Variants in MEF2C observed in about 807,000 individuals in gnomAD.
MEF2C encodes the protein myocyte-specific enhancer factor 2C.
In MEF2C, 6 loss-of-function variants were observed where a neutral mutation model predicts 50.5. The observed-to-expected ratio is 0.12, with a 90% CI of 0.07 to 0.23. The LOEUF (loss-of-function observed/expected upper bound fraction) is 0.23, where lower values mean the gene tolerates loss of function less well. MEF2C is among the 10% of genes least tolerant of loss of function. MEF2C has a pLI of 1.00. For missense variants in MEF2C, 276 were observed against 605.0 expected (o/e 0.46, Z 5.70); for synonymous variants, 183 against 228.0 (o/e 0.80, Z 1.78).
Position 88,722,722 on chromosome 5 carries a change from T to TCGCTCC in MEF2C, c.1298_1303dup (p.Gly433_Ser434dup), listed in dbSNP as rs1272732104. The TCGCTCC allele has an allele frequency of 6.2e-7, 1 of 1,613,796 alleles. No individual in the cohort carries two copies. The highest frequency in any genetic ancestry group is 8.5e-7 in the Non-Finnish European group (1 of 1,179,890). On this transcript the variant is annotated inframe_insertion, in exon 11 of 11. Transcript: ENST00000504921. ...GAATTCGTTCCGGTGATCCTCTCGG[T>TCGCTCC]CGCTCCCGTCGTACGAACTGCTACA...
At chr5:88,818,976 T>A (rs1217254124) in intron 2 of MEF2C, among the ~76,000 whole-genome samples, 1 of 151,960 alleles carries the variant, frequency 6.6e-6, no homozygotes, top group Non-Finnish European at 1.5e-5. Flanking sequence ...GGTGGGTGCT[T>A]TACATTTATT....
chr5:88,722,790 C>T lies in MEF2C; in HGVS notation c.1236G>A (p.Thr412=), dbSNP rs2152044536. The change falls in exon 11 of 11, where the codon ACG becomes ACA. Residue 412 remains threonine (T), a synonymous_variant. Coordinates refer to ENST00000504921, the MANE Select transcript of MEF2C (RefSeq NM_002397.5). ...TTTPSRYPQH[T]RHEAGRSPVD... is the part of the protein sequence containing the mutation. ...CAGGAGATCTCCCCGCCTCGTGGCG[C>T]GTGTGTTGTGGGTATCTCGAAGGGG... 6.2e-7 allele frequency: 1 copy of T among 1,613,942 alleles called. No individual in the cohort carries two copies. Among genetic ancestry groups the T allele is most frequent in the African/African-American group, 1.3e-5 (1 of 75,026 alleles).
chr5:88,745,332 A>C (rs993813181), intron 6 of MEF2C, among the ~76,000 whole-genome samples: 9 of 152,260 alleles, frequency 5.9e-5, no homozygotes, highest in African/African-American at 1.9e-4. Context: ...AGCACAGGAA[A>C]GAGGTGCATA....
intron 3 of MEF2C, among the ~76,000 whole-genome samples, chr5:88,774,276 T>G (rs1783751590): frequency 6.6e-6 from 1 of 151,806 alleles, no homozygotes; most frequent in South Asian, 2.1e-4. Context: ...TCTCCAAAAC[T>G]CACAGCAGTA....
At chr5:88,755,808 T>A (rs1301831146) in intron 4 of MEF2C, among the ~76,000 whole-genome samples, 2 of 152,204 alleles carry the variant, frequency 1.3e-5, no homozygotes, top group East Asian at 3.8e-4. Flanking sequence ...AAAGCCCATA[T>A]CCCCTCACCC....
At chr5:88,829,029 T>C (rs1456565932) in intron 1 of MEF2C, among the ~76,000 whole-genome samples, 2 of 152,036 alleles carry the variant, frequency 1.3e-5, no homozygotes, top group African/African-American at 4.8e-5. Flanking sequence ...CAGCTATTCT[T>C]TTCCACTAGA....
At chr5:88,723,195 A>G (rs1757000357) in intron 10 of MEF2C, among the ~76,000 whole-genome samples, 2 of 152,186 alleles carry the variant, frequency 1.3e-5, no homozygotes, top group Admixed American at 1.3e-4. Flanking sequence ...CTAAACATAT[A>G]GGTTACCATT....
At chr5:88,788,679 T>C (rs1792251022) in intron 3 of MEF2C, among the ~76,000 whole-genome samples, 1 of 152,240 alleles carries the variant, frequency 6.6e-6, no homozygotes, top group Non-Finnish European at 1.5e-5. Flanking sequence ...TTTTATGTAA[T>C]TTAAATTATA....
intron 6 of MEF2C, chr5:88,736,007 G>C: frequency 1.0e-6 from 1 of 985,214 alleles, no homozygotes; most frequent in Non-Finnish European, 1.2e-6. Flanking sequence ...AGTCACTATG[G>C]ACCATGGCTA....
At chr5:88,861,340 A>G (rs1370760159) in intron 1 of MEF2C, among the ~76,000 whole-genome samples, 2 of 152,238 alleles carry the variant, frequency 1.3e-5, no homozygotes, top group East Asian at 1.9e-4. Flanking sequence ...TGGCATTGTT[A>G]CTTGTTAAAA....
At chr5:88,753,421 A>C (rs1287589022) in intron 4 of MEF2C, among the ~76,000 whole-genome samples, 2 of 152,146 alleles carry the variant, frequency 1.3e-5, no homozygotes, top group Admixed American at 1.3e-4. Flanking sequence ...TTTTAGACAC[A>C]GTCTCACTCT....
intron 1 of MEF2C, chr5:88,843,271 T>C (rs115701368): frequency 0.014 from 12,532 of 884,518 alleles, 88 homozygotes; most frequent in South Asian, 0.017. Context: ...TTGGGTATCT[T>C]ACTCCATTAT....
At chr5:88,825,620 TC>T (rs746828041) in intron 1 of MEF2C, 20 of 984,754 alleles carry the variant, frequency 2.0e-5, no homozygotes, top group Non-Finnish European at 2.4e-5. Context: ...CATAATTGCA[TC>T]ATATATTTGA....
chr5:88,846,375 A>G (rs1332329294), intron 1 of MEF2C, among the ~76,000 whole-genome samples: 1 of 152,168 alleles, frequency 6.6e-6, no homozygotes, highest in African/African-American at 2.4e-5. Context: ...GCCTACTTCA[A>G]CACTTTACGA....
At chr5:88,790,400 C>T (rs1793198483) in intron 3 of MEF2C, among the ~76,000 whole-genome samples, 1 of 152,168 alleles carries the variant, frequency 6.6e-6, no homozygotes, top group African/African-American at 2.4e-5. Context: ...GATCCTGGGC[C>T]CTGCCCTATA....
intron 3 of MEF2C, among the ~76,000 whole-genome samples, chr5:88,781,281 G>T (rs1031145854): frequency 6.6e-6 from 1 of 152,166 alleles, no homozygotes; most frequent in African/African-American, 2.4e-5. Flanking sequence ...ACAAGTGAAA[G>T]TTTAAAATTT....
chr5:88,790,391 A>T (rs1793189833), intron 3 of MEF2C, among the ~76,000 whole-genome samples: 1 of 152,172 alleles, frequency 6.6e-6, no homozygotes, highest in Non-Finnish European at 1.5e-5. Context: ...AAATAAAGGG[A>T]TCCTGGGCCC....
chr5:88,825,500 AG>A (rs1810475206), intron 1 of MEF2C: 21 of 984,144 alleles, frequency 2.1e-5, no homozygotes, highest in Non-Finnish European at 2.5e-5. Flanking sequence ...TAAATGTTGG[AG>A]GTGGTTCAAA....
chr5:88,865,971 C>G lies in MEF2C; in HGVS notation c.-143+16984G>C, dbSNP rs1259060353. On this transcript the variant is annotated intron_variant, in intron 1 of 10. Transcript: ENST00000504921. ...AGTGCAGTGACTCTATCTCGGCTCA[C>G]TGCAAGCTCCGCCTCCTGGGTTCAC... Among the ~76,000 whole-genome samples, 4 of 151,868 alleles carry G rather than the reference C, an allele frequency of 2.6e-5. No individual in the cohort carries two copies. The East Asian group carries it at 7.7e-4, about 29-fold the overall frequency.
Sources: gnomAD v4.1 joint callset for allele counts (sites outside exome capture counted in the v4.1 genomes callset) on GRCh38, gnomAD v4.1.1 for gene constraint, MANE v1.5 for transcripts, NCBI Gene and HGNC (gene_info 2026-07-23, HGNC 2026-07-21) for gene names.